Variants in NALF1 observed in about 807,000 individuals in gnomAD.
NALF1 encodes NALCN channel auxiliary factor 1, also known as family with sequence similarity 155 member A.
A neutral mutation model predicts 48.4 loss-of-function variants in NALF1; 3 were observed. The observed-to-expected ratio is 0.06, with a 90% confidence interval of 0.03 to 0.16. The LOEUF is 0.16. Among genes scored for constraint, NALF1 ranks in the 10% least tolerant of loss-of-function variants. The pLI is 1.00. For synonymous variants in NALF1, 262 were observed against 245.7 expected, an observed-to-expected ratio of 1.07 and a Z score of -0.62; for missense variants, 526 against 571.5, an observed-to-expected ratio of 0.92 and a Z score of 0.81.
At chr13:107,536,184 A>G (rs1876802562) in intron 1 of NALF1, among the ~76,000 whole-genome samples, 1 of 152,220 alleles carries the variant, frequency 6.6e-6, no homozygotes, top group Non-Finnish European at 1.5e-5. Flanking sequence ...CTTCACGTCT[A>G]AAACACCAAA....
At chr13:107,370,375 G>C in intron 1 of NALF1, among the ~76,000 whole-genome samples, 1 of 152,094 alleles carries the variant, frequency 6.6e-6, no homozygotes, top group East Asian at 1.9e-4. Flanking sequence ...GTACAAACAG[G>C]CTCTTGCAAA....
intron 1 of NALF1, among the ~76,000 whole-genome samples, chr13:107,298,500 C>T (rs1161526329): frequency 6.6e-6 from 1 of 151,720 alleles, no homozygotes; most frequent in African/African-American, 2.4e-5. Flanking sequence ...GGTGCAATCT[C>T]AGCTCACTAT....
chr13:107,685,085 C>T (rs1370753823), intron 1 of NALF1, among the ~76,000 whole-genome samples: 1 of 152,126 alleles, frequency 6.6e-6, no homozygotes, highest in African/African-American at 2.4e-5. Context: ...GAGGCCAAGG[C>T]AGGCGGATCA....
intron 1 of NALF1, among the ~76,000 whole-genome samples, chr13:107,385,661 G>A (rs1883518326): frequency 6.6e-6 from 1 of 151,592 alleles, no homozygotes; most frequent in Non-Finnish European, 1.5e-5. Context: ...TACACTGAAA[G>A]TTTCTTAAAA....
intron 1 of NALF1, among the ~76,000 whole-genome samples, chr13:107,495,352 T>C (rs540475582): frequency 3.2e-4 from 49 of 152,194 alleles, no homozygotes; most frequent in Non-Finnish European, 6.0e-4. Context: ...GTTTAAGTCA[T>C]CATCTTGATT....
chr13:107,552,702 G>T (rs1877331293), intron 1 of NALF1, among the ~76,000 whole-genome samples: 1 of 151,980 alleles, frequency 6.6e-6, no homozygotes, highest in South Asian at 2.1e-4. Context: ...TAATGATTCG[G>T]ACTTTATTAT....
At chr13:107,187,326 C>T (rs57049616) in intron 2 of NALF1, among the ~76,000 whole-genome samples, 26,841 of 152,088 alleles carry the variant, frequency 0.18, 2,923 homozygotes, top group African/African-American at 0.31. Context: ...CCACTTCTAC[C>T]TTTGTGTTCT....
chr13:107,738,011 C>T (rs1192830291), intron 1 of NALF1, among the ~76,000 whole-genome samples: 1 of 152,136 alleles, frequency 6.6e-6, no homozygotes, highest in Non-Finnish European at 1.5e-5. Context: ...CTAATTCAGT[C>T]AGTTTGATAC....
chr13:107,632,371 G>A (rs772767289), intron 1 of NALF1, among the ~76,000 whole-genome samples: 6 of 152,090 alleles, frequency 3.9e-5, no homozygotes, highest in Non-Finnish European at 7.4e-5. Context: ...AAGAGTATGG[G>A]CATGAAGGTC....
intron 1 of NALF1, among the ~76,000 whole-genome samples, chr13:107,861,736 T>C (rs757396707): frequency 2.0e-5 from 3 of 152,236 alleles, no homozygotes; most frequent in East Asian, 1.9e-4. Context: ...TGAGCCAACA[T>C]TGCGCCACTG....
intron 1 of NALF1, among the ~76,000 whole-genome samples, chr13:107,310,148 G>T (rs1039183437): frequency 1.3e-5 from 2 of 152,016 alleles, no homozygotes; most frequent in South Asian, 4.1e-4. Context: ...GGTGGCTCAC[G>T]CCTGTAATCT....
chr13:107,781,565 G>A (rs1319156482), intron 1 of NALF1, among the ~76,000 whole-genome samples: 1 of 151,328 alleles, frequency 6.6e-6, no homozygotes, highest in East Asian at 1.9e-4. Flanking sequence ...TTTGAATTGT[G>A]TTTTGAGAGC....
rs114879946 is a variant in NALF1 at position 107,495,278 on chromosome 13, C to A, written c.916-284523G>T. On this transcript the variant is annotated intron_variant, in intron 1 of 2. Coordinates refer to ENST00000375915, the MANE Select transcript of NALF1 (RefSeq NM_001080396.3). Reference sequence around the variant, plus strand: ...AAAGAGATGCGCCAAATTACAGCAACAACAATGTCAACAAAAATGTGAAAA... The same window carrying A: ...AAAGAGATGCGCCAAATTACAGCAAAAACAATGTCAACAAAAATGTGAAAA... Among the ~76,000 whole-genome samples, 316 of 152,224 alleles carry A rather than the reference C, an allele frequency of 2.1e-3. 1 individual carries two copies. The highest frequency in any genetic ancestry group is 7.4e-3 in the African/African-American group (309 of 41,560).
intron 1 of NALF1, among the ~76,000 whole-genome samples, chr13:107,772,550 T>C (rs1391389958): frequency 6.6e-6 from 1 of 152,138 alleles, no homozygotes; most frequent in Non-Finnish European, 1.5e-5. Flanking sequence ...ATAAATGCTA[T>C]GTGAAAAAAA....
intron 1 of NALF1, among the ~76,000 whole-genome samples, chr13:107,286,292 C>T (rs1881491588): frequency 6.6e-6 from 1 of 152,004 alleles, no homozygotes. Flanking sequence ...GATACTCAAA[C>T]AAATACAGGT....
Position 107,866,223 on chromosome 13 carries a change from G to T in NALF1, c.374C>A (p.Ala125Asp). Residue 125 changes from alanine (A) to aspartate (D), a missense_variant, in exon 1 of 3, where the codon GCC (alanine) becomes GAC (aspartate). This residue lies in a region of NALF1 where 373 missense variants were observed against 355.5 expected (regional missense o/e 1.05). Coordinates refer to ENST00000375915, the MANE Select transcript of NALF1 (RefSeq NM_001080396.3). The surrounding 1 kb of genome is among the most constrained non-coding windows in gnomAD (Gnocchi z 4.4). ...GGGGGGCAGGGTGGGGGACGAGGAG[G>T]CGGAGAGGAGTCTGTGTGCCTGGGC... ...PAAQAHRLLS[A>D]SSSPTLPPSP... 1 of 1,595,532 alleles carries T rather than the reference G, an allele frequency of 6.3e-7. No individual in the cohort carries two copies. Among genetic ancestry groups the T allele is most frequent in the Non-Finnish European group, 8.5e-7 (1 of 1,172,080 alleles).
At chr13:107,759,235 G>A (rs1471131342) in intron 1 of NALF1, among the ~76,000 whole-genome samples, 3 of 152,114 alleles carry the variant, frequency 2.0e-5, no homozygotes, top group African/African-American at 7.2e-5. Flanking sequence ...TTTTGAGATA[G>A]TCTTGCTCTG....
intron 1 of NALF1, among the ~76,000 whole-genome samples, chr13:107,545,212 A>G (rs1594121161): frequency 6.6e-6 from 1 of 152,180 alleles, no homozygotes; most frequent in Admixed American, 6.5e-5. Context: ...ATGCAGAGGG[A>G]GACAATATGG....
intron 1 of NALF1, among the ~76,000 whole-genome samples, chr13:107,418,007 G>T (rs1049433233): frequency 1.5e-4 from 23 of 152,192 alleles, no homozygotes; most frequent in African/African-American, 5.5e-4. Context: ...GTTGCAGTGG[G>T]CTGAGATCAC....
Sources: gnomAD v4.1 joint callset for allele counts (sites outside exome capture counted in the v4.1 genomes callset) on GRCh38, gnomAD v4.1.1 for gene constraint, gnomAD v4.1.1 regional missense constraint, Gnocchi (gnomAD v3.1) non-coding constraint, MANE v1.5 for transcripts, NCBI Gene and HGNC (gene_info 2026-07-23, HGNC 2026-07-21) for gene names.